FARSB: variants seen among roughly 807,000 people sequenced by gnomAD.
The protein encoded by FARSB is phenylalanyl-tRNA synthetase subunit beta.
Under a neutral mutation model 69.6 loss-of-function variants are expected in FARSB, and 40 were observed. The ratio of observed to expected loss-of-function variants is 0.57; its 90% CI spans 0.45 to 0.75. FARSB has a LOEUF of 0.75. FARSB is among the 30% of genes least tolerant of loss of function. The pLI is 0.00. For missense variants in FARSB, 632 were observed against 722.9 expected (o/e 0.87, Z 1.44); for synonymous variants, 235 against 247.2 (o/e 0.95, Z 0.46).
intron 10 of FARSB, among the ~76,000 whole-genome samples, chr2:222,625,335 A>T (rs1285363528): frequency 6.6e-6 from 1 of 152,230 alleles, no homozygotes; most frequent in African/African-American, 2.4e-5. Flanking sequence ...CATAAATCCC[A>T]GGCTTTTCAA....
intron 15 of FARSB, among the ~76,000 whole-genome samples, chr2:222,600,414 A>T (rs1314020787): frequency 6.6e-6 from 1 of 152,170 alleles, no homozygotes; most frequent in African/African-American, 2.4e-5. Flanking sequence ...TCTCTTATTC[A>T]TAATATTAAT....
chr2:222,644,140 TAAGTAGTTCA>T (rs1691790056), intron 2 of FARSB, among the ~76,000 whole-genome samples: 1 of 152,180 alleles, frequency 6.6e-6, no homozygotes, highest in Non-Finnish European at 1.5e-5. Flanking sequence ...TGCCACAATA[TAAGTAGTTCA>T]AATTTTTGTC....
At position 222,654,249 on chromosome 2, in the gene FARSB, C is replaced by T. The variant is rs58378709; in HGVS notation, c.58+1767G>A. 5.2e-3 allele frequency among the ~76,000 whole-genome samples: 791 copies of T among 152,276 alleles called. 17 individuals carry two copies. The East Asian group carries it at 0.064, about 12-fold the overall frequency. On this transcript the variant is annotated intron_variant, in intron 1 of 16. Transcript: ENST00000281828. ...AAAACCCAAAACCTTAAAGTGCAGACATGATGTCACAAGTGGAAAATTCCA... is the reference window on the plus strand; with the variant it reads ...AAAACCCAAAACCTTAAAGTGCAGATATGATGTCACAAGTGGAAAATTCCA...
intron 16 of FARSB, among the ~76,000 whole-genome samples, chr2:222,592,496 G>C (rs757003872): frequency 1.3e-5 from 2 of 152,024 alleles, no homozygotes; most frequent in African/African-American, 2.4e-5. Flanking sequence ...GATACCTGAG[G>C]AAAGTAAATC....
chr2:222,644,414 A>G (rs1691795983), intron 2 of FARSB: 3 of 367,106 alleles, frequency 8.2e-6, no homozygotes, highest in South Asian at 6.0e-5. Flanking sequence ...AAAAAGGGGG[A>G]AAAGAAAAGA....
chr2:222,631,835 G>T (rs1056716306), intron 7 of FARSB, among the ~76,000 whole-genome samples, 161 bp from the exon 8 acceptor site: 3 of 152,218 alleles, frequency 2.0e-5, no homozygotes, highest in Non-Finnish European at 4.4e-5. Flanking sequence ...CACTCTGGGA[G>T]GCCAAAGTGG....
At chr2:222,579,691 A>T (rs1438154908) in intron 16 of FARSB, among the ~76,000 whole-genome samples, 1 of 152,172 alleles carries the variant, frequency 6.6e-6, no homozygotes, top group Non-Finnish European at 1.5e-5. Context: ...CCTTCACTTA[A>T]TATATGAAAA....
At chr2:222,596,320 G>A (rs1389424626) in intron 16 of FARSB, among the ~76,000 whole-genome samples, 4 of 152,206 alleles carry the variant, frequency 2.6e-5, no homozygotes, top group African/African-American at 4.8e-5. Flanking sequence ...TTCTTATAAC[G>A]CACGGAGCCA....
At chr2:222,585,661 T>C (rs1296067178) in intron 16 of FARSB, among the ~76,000 whole-genome samples, 1 of 152,168 alleles carries the variant, frequency 6.6e-6, no homozygotes, top group Non-Finnish European at 1.5e-5. Context: ...ATAAACAGCA[T>C]AGAGAAGACC....
chr2:222,649,838 CA>C (rs1365516834), intron 1 of FARSB, among the ~76,000 whole-genome samples: 1 of 152,140 alleles, frequency 6.6e-6, no homozygotes, highest in African/African-American at 2.4e-5. Context: ...AAATTGAACA[CA>C]AAACATCATT....
intron 14 of FARSB, among the ~76,000 whole-genome samples, chr2:222,618,331 T>C (rs1404604205): frequency 6.6e-6 from 1 of 152,192 alleles, no homozygotes; most frequent in Non-Finnish European, 1.5e-5. Context: ...ACTAACCCAG[T>C]CCCTTATTTT....
At chr2:222,596,140 CA>C (rs1443498227) in intron 16 of FARSB, among the ~76,000 whole-genome samples, 1 of 152,052 alleles carries the variant, frequency 6.6e-6, no homozygotes, top group African/African-American at 2.4e-5. Context: ...TATGTAAGAC[CA>C]GGGGACCACG....
At chr2:222,644,862 A>C (rs1691808469) in intron 2 of FARSB, among the ~76,000 whole-genome samples, 1 of 152,072 alleles carries the variant, frequency 6.6e-6, no homozygotes, top group Non-Finnish European at 1.5e-5. Context: ...CTGTCTCAGA[A>C]TTTCTTATTG....
rs923608371 is a variant in FARSB, at chr2:222,571,044, T to A, written c.*827A>T. On this transcript the variant is annotated 3_prime_UTR_variant, in exon 17 of 17. Transcript: ENST00000281828. ...TTCAGAAAAAGAGAGGTCTAATATC[T>A]CCCTGGGACAATAGAGAAACTAGTA... 7.2e-5 allele frequency: 11 copies of A among 152,078 alleles called. No homozygotes were observed. Among genetic ancestry groups the A allele is most frequent in the African/African-American group, 2.7e-4 (11 of 41,402 alleles). The allele number at this position is 152,078 out of a possible 1,614,324, so 9.4% of individuals were successfully genotyped here.
intron 16 of FARSB, among the ~76,000 whole-genome samples, chr2:222,578,863 T>A (rs1256011751): frequency 6.6e-6 from 1 of 151,834 alleles, no homozygotes; most frequent in Non-Finnish European, 1.5e-5. Flanking sequence ...GCGCCTGTAG[T>A]CCCAGCTACT....
intron 16 of FARSB, among the ~76,000 whole-genome samples, chr2:222,595,701 A>C (rs997035418): frequency 7.9e-5 from 12 of 152,180 alleles, no homozygotes; most frequent in Non-Finnish European, 4.4e-5. Flanking sequence ...GGCTCAAGTC[A>C]ACGCAGCCAA....
intron 16 of FARSB, among the ~76,000 whole-genome samples, chr2:222,597,493 A>G (rs1690450461): frequency 6.6e-6 from 1 of 152,212 alleles, no homozygotes. Flanking sequence ...ATGTTAGGAA[A>G]CTAGATACTA....
intron 16 of FARSB, among the ~76,000 whole-genome samples, chr2:222,585,580 T>C (rs1183491402): frequency 6.6e-6 from 1 of 152,198 alleles, no homozygotes; most frequent in African/African-American, 2.4e-5. Flanking sequence ...TTCTCTGAGC[T>C]AAAGGAGGAT....
intron 16 of FARSB, among the ~76,000 whole-genome samples, chr2:222,585,473 G>C (rs1212039796): frequency 1.3e-5 from 2 of 152,356 alleles, no homozygotes; most frequent in Admixed American, 1.3e-4. Flanking sequence ...CTCTTCCAAA[G>C]GAATGCAGCT....
Sources: gnomAD v4.1 joint callset for allele counts (sites outside exome capture counted in the v4.1 genomes callset) on GRCh38, gnomAD v4.1.1 for gene constraint, MANE v1.5 for transcripts, NCBI Gene and HGNC (gene_info 2026-07-23, HGNC 2026-07-21) for gene names.